CCNY: variants seen among roughly 807,000 people sequenced by gnomAD.
CCNY encodes the protein cyclin Y.
Under a neutral mutation model 42.8 loss-of-function variants are expected in CCNY, and 19 were observed. The observed-to-expected ratio is 0.44, with a 90% CI of 0.31 to 0.65. CCNY has a LOEUF of 0.65. Among genes scored for constraint, CCNY ranks in the 30% least tolerant of loss-of-function variants. CCNY has a pLI of 0.07. For synonymous variants in CCNY, 165 were observed against 162.7 expected (o/e 1.01, Z -0.11); for missense variants, 370 against 437.3 (o/e 0.85, Z 1.37).
At chr10:35,307,158 C>G (rs1433451560) in intron 3 of CCNY, among the ~76,000 whole-genome samples, 1 of 152,196 alleles carries the variant, frequency 6.6e-6, no homozygotes, top group Non-Finnish European at 1.5e-5. Flanking sequence ...GGGATGACGA[C>G]AGCAAGCTCC....
intron 1 of CCNY, among the ~76,000 whole-genome samples, chr10:35,408,450 T>G (rs981801574): frequency 1.5e-4 from 22 of 150,800 alleles, no homozygotes; most frequent in Admixed American, 1.4e-3. Flanking sequence ...GGATAGGCAG[T>G]GGAGTTAAGA....
chr10:35,547,022 C>G (rs79040696), intron 7 of CCNY, among the ~76,000 whole-genome samples: 2,016 of 152,184 alleles, frequency 0.013, 21 homozygotes, highest in Admixed American at 0.021. Context: ...TAGGCCCAGT[C>G]CCTGTTTTCT....
chr10:35,351,906 A>G (rs919740945), intron 1 of CCNY, among the ~76,000 whole-genome samples: 1 of 152,192 alleles, frequency 6.6e-6, no homozygotes, highest in Non-Finnish European at 1.5e-5. Context: ...GCCATTTATT[A>G]TACACTTTGG....
intron 1 of CCNY, among the ~76,000 whole-genome samples, chr10:35,395,748 G>T (rs569694601): frequency 6.6e-6 from 1 of 152,178 alleles, no homozygotes; most frequent in Non-Finnish European, 1.5e-5. Flanking sequence ...CGCTGTCAGC[G>T]CCTGGTTGTG....
At chr10:35,415,737 G>C (rs1379224539) in intron 1 of CCNY, among the ~76,000 whole-genome samples, 1 of 152,192 alleles carries the variant, frequency 6.6e-6, no homozygotes. Flanking sequence ...GTCAGGCTGA[G>C]GTTTGGGGGA....
intron 2 of CCNY, among the ~76,000 whole-genome samples, chr10:35,484,483 A>G (rs1839742092): frequency 6.6e-6 from 1 of 152,202 alleles, no homozygotes; most frequent in Non-Finnish European, 1.5e-5. Flanking sequence ...AGAATAAATT[A>G]GTATAGGCAT....
At chr10:35,419,698 C>G (rs1395370441) in intron 1 of CCNY, among the ~76,000 whole-genome samples, 1 of 151,948 alleles carries the variant, frequency 6.6e-6, no homozygotes, top group Non-Finnish European at 1.5e-5. Flanking sequence ...CTCAATTAGT[C>G]CTACAGATTG....
At chr10:35,556,946 G>A (rs1045195655) in intron 8 of CCNY, among the ~76,000 whole-genome samples, 1 of 151,714 alleles carries the variant, frequency 6.6e-6, no homozygotes, top group Non-Finnish European at 1.5e-5. Context: ...CCGGGTTCAA[G>A]CAATTCTCCT....
At chr10:35,513,537 G>C (rs1055490971) in intron 3 of CCNY, among the ~76,000 whole-genome samples, 2 of 152,180 alleles carry the variant, frequency 1.3e-5, no homozygotes, top group African/African-American at 4.8e-5. Flanking sequence ...ATTACCTGCA[G>C]GTGCTTCCCA....
At chr10:35,307,790 G>A (rs1835627903) in intron 3 of CCNY, among the ~76,000 whole-genome samples, 1 of 80,260 alleles carries the variant, frequency 1.2e-5, no homozygotes, top group Admixed American at 1.5e-4. Flanking sequence ...GTGTGTGTGT[G>A]TGTGTGTGTG....
intron 3 of CCNY, among the ~76,000 whole-genome samples, chr10:35,258,174 A>G (rs1002541538): frequency 2.6e-5 from 4 of 152,190 alleles, no homozygotes; most frequent in African/African-American, 9.6e-5. Flanking sequence ...ATAAATAAAT[A>G]AAACACAGTA....
chr10:35,299,432 T>A (rs1389185727), intron 3 of CCNY, among the ~76,000 whole-genome samples: 1 of 152,224 alleles, frequency 6.6e-6, no homozygotes, highest in Non-Finnish European at 1.5e-5. Flanking sequence ...TCGCTTCAAG[T>A]CTTTTGAAGT....
chr10:35,306,991 C>T (rs1390830083), intron 3 of CCNY, among the ~76,000 whole-genome samples: 1 of 152,174 alleles, frequency 6.6e-6, no homozygotes, highest in Non-Finnish European at 1.5e-5. Context: ...CTCCTACTCA[C>T]CTGAGGGCGT....
At chr10:35,568,786 T>C (rs901579857) in intron 9 of CCNY, among the ~76,000 whole-genome samples, 1 of 152,240 alleles carries the variant, frequency 6.6e-6, no homozygotes, top group Non-Finnish European at 1.5e-5. Context: ...GCGTTGACCC[T>C]GGTCGGGCCG....
intron 8 of CCNY, among the ~76,000 whole-genome samples, chr10:35,557,917 T>A (rs1173961821): frequency 6.6e-6 from 1 of 152,210 alleles, no homozygotes; most frequent in Admixed American, 6.5e-5. Flanking sequence ...TATTCCCCTT[T>A]CTCTTCTTTT....
intron 2 of CCNY, among the ~76,000 whole-genome samples, chr10:35,250,346 T>C (rs2095711028): frequency 1.3e-5 from 2 of 151,912 alleles, no homozygotes; most frequent in African/African-American, 4.8e-5. Context: ...GCCTGGGCAA[T>C]AGAATGAGAC....
At chr10:35,306,744 T>C (rs890090567) in intron 3 of CCNY, among the ~76,000 whole-genome samples, 1 of 152,114 alleles carries the variant, frequency 6.6e-6, no homozygotes, top group Non-Finnish European at 1.5e-5. Context: ...ATTTTCTACA[T>C]GACATAACAA....
chr10:35,525,927 C>T, intron 4 of CCNY, 37 bp from the exon 5 acceptor site: 1 of 1,597,416 alleles, frequency 6.3e-7, no homozygotes, highest in Non-Finnish European at 8.5e-7. Flanking sequence ...CTTGAATATG[C>T]TCATGGACAC....
intron 1 of CCNY, among the ~76,000 whole-genome samples, chr10:35,371,137 G>A (rs1197463130): frequency 6.6e-6 from 1 of 152,198 alleles, no homozygotes; most frequent in Non-Finnish European, 1.5e-5. Flanking sequence ...TAGCCTGTAT[G>A]TCCCTTCAAA....
Sources: allele counts gnomAD v4.1 joint callset (sites outside exome capture counted in the v4.1 genomes callset), GRCh38; gene constraint gnomAD v4.1.1; transcripts MANE v1.5; gene names NCBI Gene and HGNC (gene_info 2026-07-23, HGNC 2026-07-21).